EPHX2: variants seen among roughly 807,000 people sequenced by gnomAD.
EPHX2 encodes the protein epoxide hydrolase 2.
A neutral mutation model predicts 78.7 loss-of-function variants in EPHX2; 74 were observed. The observed-to-expected ratio is 0.94, with a 90% CI of 0.78 to 1.14. The LOEUF is 1.14. EPHX2 is among the 50% of genes most tolerant of loss of function. The pLI, the probability that EPHX2 is intolerant of heterozygous loss-of-function variation, is 0.00. For synonymous variants in EPHX2, 251 were observed against 255.2 expected (o/e 0.98, Z 0.16); for missense variants, 715 against 702.5 (o/e 1.02, Z -0.20).
At chr8:27,538,919 G>C in intron 14 of EPHX2, 1 of 568,494 alleles carries the variant, frequency 1.8e-6, no homozygotes, top group Admixed American at 3.0e-5. Flanking sequence ...ATCTTAAGCA[G>C]TAAGAGCTTG....
Position 27,491,185 on chromosome 8 carries a change from G to T in EPHX2, c.-24G>T. 6.4e-7 allele frequency: 1 copy of T among 1,560,346 alleles called. No individual in the cohort carries two copies. Among genetic ancestry groups the T allele is most frequent in the Non-Finnish European group, 8.6e-7 (1 of 1,161,458 alleles). ...TCTCCCAGGTTAGCTGCGTGTCCGG[G>T]TGCTAGGCTGCAGACCCGCCGCCAT... On this transcript the variant is annotated 5_prime_UTR_variant, in exon 1 of 19. Coordinates refer to ENST00000521400, the MANE Select transcript of EPHX2 (RefSeq NM_001979.6).
intron 2 of EPHX2, among the ~76,000 whole-genome samples, chr8:27,501,385 T>TTCTTCTTCC (rs1813787399): frequency 1.1e-5 from 1 of 88,148 alleles, no homozygotes; most frequent in South Asian, 3.2e-4. Context: ...CTTCTTCTTC[T>TTCTTCTTCC]TCTTCTTCTT....
intron 12 of EPHX2, among the ~76,000 whole-genome samples, chr8:27,525,689 C>T (rs1348494084): frequency 1.3e-5 from 2 of 151,734 alleles, no homozygotes; most frequent in South Asian, 2.1e-4. Context: ...GGTGAAGGGC[C>T]GGGGGATGTT....
intron 13 of EPHX2, among the ~76,000 whole-genome samples, chr8:27,537,440 C>A (rs10282967): frequency 0.23 from 35,686 of 152,022 alleles, 5,160 homozygotes; most frequent in African/African-American, 0.42. Context: ...CTTGAAGAAT[C>A]ATTTATCTGA....
At chr8:27,531,775 C>G (rs545256790) in intron 12 of EPHX2, among the ~76,000 whole-genome samples, 10 of 152,266 alleles carry the variant, frequency 6.6e-5, no homozygotes, top group Admixed American at 5.9e-4. Context: ...CTCAGCAGAC[C>G]TGTTCTCTAC....
intron 9 of EPHX2, 96 bp downstream of exon 9, chr8:27,518,168 A>G: frequency 3.0e-6 from 3 of 988,028 alleles, no homozygotes. Flanking sequence ...GGGAAGCATC[A>G]TTTCACAGCC....
chr8:27,508,782 G>T (rs568427299), intron 5 of EPHX2, among the ~76,000 whole-genome samples: 5 of 152,090 alleles, frequency 3.3e-5, no homozygotes, highest in Non-Finnish European at 7.3e-5. Context: ...ACGCACGTGT[G>T]TGTGTGGACA....
intron 5 of EPHX2, among the ~76,000 whole-genome samples, chr8:27,510,102 G>T (rs752899085): frequency 2.2e-4 from 34 of 152,208 alleles, no homozygotes; most frequent in Non-Finnish European, 4.4e-4. Context: ...GGAGATGGGA[G>T]GACTCACCTC....
At chr8:27,533,807 C>T (rs879468621) in intron 12 of EPHX2, among the ~76,000 whole-genome samples, 1 of 152,104 alleles carries the variant, frequency 6.6e-6, no homozygotes, top group Non-Finnish European at 1.5e-5. Flanking sequence ...TCAGGCTGGT[C>T]TTGAACTCCT....
intron 1 of EPHX2, among the ~76,000 whole-genome samples, chr8:27,494,368 G>A (rs546083822): frequency 6.6e-6 from 1 of 152,280 alleles, no homozygotes; most frequent in East Asian, 1.9e-4. Flanking sequence ...TGTATCTCTA[G>A]TGCCCTGGAA....
rs1299269673 is a variant in EPHX2, at chr8:27,501,328, T to TTCC, written c.186+320_186+321insCTC. On this transcript the variant is annotated intron_variant, in intron 2 of 18. Coordinates refer to ENST00000521400, the MANE Select transcript of EPHX2 (RefSeq NM_001979.6). ...AAAGAGGGAAATGCTATATATTTTC[T>TTCC]TCTTCTTCTTCTTCTTCTTCTTCTT... Among the ~76,000 whole-genome samples the TTCC allele has an allele frequency of 5.3e-3, 180 of 34,214 alleles. 1 individual carries two copies. Among genetic ancestry groups the TTCC allele is most frequent in the Non-Finnish European group, 6.6e-3 (123 of 18,686 alleles). The allele number at this position is 34,214 out of a possible 152,430, so 22.4% of individuals were successfully genotyped here.
chr8:27,537,905 C>T (rs72477572), intron 13 of EPHX2, among the ~76,000 whole-genome samples: 9 of 152,228 alleles, frequency 5.9e-5, no homozygotes, highest in African/African-American at 2.2e-4. Context: ...AGCTCATCTT[C>T]AGCAGTACTT....
chr8:27,534,740 T>A (rs744480), intron 12 of EPHX2, among the ~76,000 whole-genome samples: 2,219 of 152,300 alleles, frequency 0.015, 54 homozygotes, highest in African/African-American at 0.051. Flanking sequence ...GGCTTTAGGA[T>A]CTTCCTGTCC....
In EPHX2 at chr8:27,543,981, C is replaced by G. The variant is rs979885470; in HGVS notation, c.1530+152C>G. 4 of 973,956 alleles carry G rather than the reference C, an allele frequency of 4.1e-6. No individual in the cohort carries two copies. In the Admixed American group the frequency reaches 8.7e-5, roughly 21 times the overall value. 60.3% of individuals were successfully genotyped at this position (973,956 alleles called of 1,614,324 possible). Reference sequence around the variant, plus strand: ...CAGTAACATCACTGTCCCCCCATTGCAAGCAGCAACCGTGACTGTACCTTC... The same window carrying G: ...CAGTAACATCACTGTCCCCCCATTGGAAGCAGCAACCGTGACTGTACCTTC... On this transcript the variant is annotated intron_variant, in intron 17 of 18. Coordinates refer to ENST00000521400, the MANE Select transcript of EPHX2 (RefSeq NM_001979.6).
At chr8:27,538,962 C>T (rs926652645) in intron 14 of EPHX2, 7 of 478,456 alleles carry the variant, frequency 1.5e-5, no homozygotes, top group African/African-American at 1.2e-4. Flanking sequence ...GGGCAAAATC[C>T]ACCCTCTACT....
chr8:27,496,541 G>A (rs560056855), intron 1 of EPHX2, among the ~76,000 whole-genome samples: 3 of 152,304 alleles, frequency 2.0e-5, no homozygotes, highest in African/African-American at 7.2e-5. Context: ...AGGGTATAGG[G>A]GTTGGGTATA....
At chr8:27,516,257 A>G (rs1177719726) in intron 7 of EPHX2, 63 bp from the exon 8 acceptor site, 1 of 1,472,466 alleles carries the variant, frequency 6.8e-7, no homozygotes, top group Non-Finnish European at 9.5e-7. Flanking sequence ...GGAGGGAAGC[A>G]AAGAGGGAGT....
At chr8:27,545,734 A>G (rs1815563661), downstream of EPHX2, among the ~76,000 whole-genome samples, 1 of 152,176 alleles carries the variant, frequency 6.6e-6, no homozygotes, top group Non-Finnish European at 1.5e-5. Flanking sequence ...ATGCACGCAC[A>G]ATGGCCTCGC....
At chr8:27,497,490 C>T (rs1230442357) in intron 1 of EPHX2, among the ~76,000 whole-genome samples, 1 of 152,208 alleles carries the variant, frequency 6.6e-6, no homozygotes, top group Non-Finnish European at 1.5e-5. Context: ...TGCGGCCTTT[C>T]TCTTATCTCA....
Sources: allele counts gnomAD v4.1 joint callset (sites outside exome capture counted in the v4.1 genomes callset), GRCh38; gene constraint gnomAD v4.1.1; transcripts MANE v1.5; gene names NCBI Gene and HGNC (gene_info 2026-07-23, HGNC 2026-07-21).